Variants in OSBP observed in about 807,000 individuals in gnomAD.
OSBP encodes oxysterol-binding protein 1.
A neutral mutation model predicts 96.6 loss-of-function variants in OSBP; 32 were observed. The observed-to-expected ratio is 0.33, with a 90% CI of 0.25 to 0.45. OSBP has a LOEUF of 0.45. Among genes scored for constraint, OSBP ranks in the 20% least tolerant of loss-of-function variants. The pLI is 1.00. For synonymous variants in OSBP, 369 were observed against 389.6 expected, an observed-to-expected ratio of 0.95 and a Z score of 0.62; for missense variants, 653 against 1,029.7, an observed-to-expected ratio of 0.63 and a Z score of 5.01.
chr11:59,607,402 G>T (rs926835358), intron 3 of OSBP, among the ~76,000 whole-genome samples: 2 of 152,064 alleles, frequency 1.3e-5, no homozygotes, highest in Admixed American at 6.6e-5. Flanking sequence ...TTTTTACTTT[G>T]TGTGAATCAC....
intron 8 of OSBP, 47 bp downstream of exon 8, chr11:59,593,961 ATC>A: frequency 2.5e-6 from 4 of 1,598,670 alleles, no homozygotes; most frequent in South Asian, 1.1e-5. Flanking sequence ...CCAAAAAATC[ATC>A]TCTTTCTTCA....
intron 12 of OSBP, 97 bp from the exon 13 acceptor site, chr11:59,577,122 A>T: frequency 1.1e-6 from 1 of 926,504 alleles, no homozygotes; most frequent in Admixed American, 2.6e-5. Context: ...CACATCACCA[A>T]GGCTGTTCTA....
rs1590681899 is a variant in OSBP, at chr11:59,615,228, C to A, written c.362+75G>T. On this transcript the variant is annotated intron_variant, in intron 1 of 13. Transcript: ENST00000263847. ...CAACCCTGGCTGCGGTGCCGGCTGG[C>A]GGTAATGCCGGAGCTGGGACTGTTG... The A allele has an allele frequency of 2.3e-6, 3 of 1,280,742 alleles. No homozygotes were observed. The South Asian group carries it at 3.7e-5, about 16-fold the overall frequency. 79.3% of individuals were successfully genotyped at this position (1,280,742 alleles called of 1,614,324 possible).
chr11:59,574,405 T>TA lies in OSBP; in HGVS notation c.*2171dup. On this transcript the variant is annotated 3_prime_UTR_variant, in exon 14 of 14. Transcript: ENST00000263847. The stretch of plus-strand genomic sequence containing the variant: ...TGAATCAGACAAACAATATGACTTT[T>TA]AAAAAATTATTTAATTTAGTAGTTT... The TA allele has an allele frequency of 6.6e-6, 1 of 151,888 alleles. No individual in the cohort carries two copies. The highest frequency in any genetic ancestry group is 6.6e-5 in the Admixed American group (1 of 15,188). The allele number at this position is 151,888 out of a possible 1,614,324, so 9.4% of individuals were successfully genotyped here.
chr11:59,612,178 T>G (rs1031861199), intron 1 of OSBP, among the ~76,000 whole-genome samples: 1 of 152,224 alleles, frequency 6.6e-6, no homozygotes, highest in African/African-American at 2.4e-5. Context: ...TGTTGTTCAA[T>G]TTTTCACATG....
At position 59,576,558 on chromosome 11, in the gene OSBP, CTT is replaced by C. The variant is rs1313563437; in HGVS notation, c.*17_*18del. 2 of 1,610,618 alleles carry C rather than the reference CTT, an allele frequency of 1.2e-6. No individual in the cohort carries two copies. The highest frequency in any genetic ancestry group is 3.4e-5 in the Admixed American group (2 of 59,210). ...GTCCTCTTCTCCATTATATGCTCCT[CTT>C]TTTTGTTACTGCCGTTTCAGAAAAT... On this transcript the variant is annotated 3_prime_UTR_variant, in exon 14 of 14. Transcript: ENST00000263847.
chr11:59,615,740 G>A lies in OSBP; in HGVS notation c.-76C>T. 2.4e-6 allele frequency: 3 copies of A among 1,231,482 alleles called. No homozygotes were observed. Among genetic ancestry groups the A allele is most frequent in the African/African-American group, 1.6e-5 (1 of 63,540 alleles). The allele number at this position is 1,231,482 out of a possible 1,614,324, so 76.3% of individuals were successfully genotyped here. A position where few individuals can be genotyped will look rare whatever the true frequency, so the allele number is the denominator to read the frequency against. On this transcript the variant is annotated 5_prime_UTR_variant, in exon 1 of 14. Coordinates refer to ENST00000263847, the MANE Select transcript of OSBP (RefSeq NM_002556.3). ...CGTCGCCGCCCGGAGCGCCCCACAC[G>A]GCTACCGCATCAGCCACCGCCGCGC...
chr11:59,581,277 CAG>C (rs1287434365), intron 10 of OSBP, among the ~76,000 whole-genome samples, 172 bp downstream of exon 10: 9 of 152,274 alleles, frequency 5.9e-5, no homozygotes, highest in Admixed American at 2.0e-4. Context: ...ATTTGTGGTA[CAG>C]AAAACTTAGA....
intron 7 of OSBP, among the ~76,000 whole-genome samples, chr11:59,598,621 G>C (rs1860685261): frequency 6.6e-6 from 1 of 152,150 alleles, no homozygotes; most frequent in African/African-American, 2.4e-5. Flanking sequence ...ACAGAGTCTA[G>C]CTCTGTCACC....
In OSBP at chr11:59,593,436, A is replaced by T. The variant is rs548344815; in HGVS notation, c.1678+168T>A. ...TCCTTAAAGAGTTTCTAGCCTCCACACTCATTTGATAGCTGAAAAGTTAAA... is the reference window on the plus strand; with the variant it reads ...TCCTTAAAGAGTTTCTAGCCTCCACTCTCATTTGATAGCTGAAAAGTTAAA... On this transcript the variant is annotated intron_variant, in intron 9 of 13. Coordinates refer to ENST00000263847, the MANE Select transcript of OSBP (RefSeq NM_002556.3). The T allele has an allele frequency of 1.3e-4, 86 of 651,614 alleles. 1 individual carries two copies. In the South Asian group the frequency reaches 1.6e-3, roughly 12 times the overall value. The allele number at this position is 651,614 out of a possible 1,614,324, so 40.4% of individuals were successfully genotyped here. A position where few individuals can be genotyped will look rare whatever the true frequency, so the allele number is the denominator to read the frequency against.
In OSBP at chr11:59,595,714, C is replaced by T. The variant is rs898650217; in HGVS notation, c.1312-1459G>A. 2.0e-5 allele frequency among the ~76,000 whole-genome samples: 3 copies of T among 151,598 alleles called. No individual in the cohort carries two copies. The East Asian group carries it at 5.8e-4, about 29-fold the overall frequency. Reference sequence around the variant, plus strand: ...TAGCACTTTGAGAGGCTGAGGCAAGCGGATTGCTTGTGCTCAGCAGTTTGA... The same window carrying T: ...TAGCACTTTGAGAGGCTGAGGCAAGTGGATTGCTTGTGCTCAGCAGTTTGA... On this transcript the variant is annotated intron_variant, in intron 7 of 13. Coordinates refer to ENST00000263847, the MANE Select transcript of OSBP (RefSeq NM_002556.3).
chr11:59,600,519 C>A lies in OSBP; in HGVS notation c.1288G>T (p.Glu430Ter). 1 of 1,614,004 alleles carries A rather than the reference C, an allele frequency of 6.2e-7. No individual in the cohort carries two copies. Among genetic ancestry groups the A allele is most frequent in the Non-Finnish European group, 8.5e-7 (1 of 1,179,978 alleles). ...ACCGGCATGGGGATCTTAGAGAGTT[C>A]TTTTCCAATGCAGTTCTTCATGATG... ...WSIMKNCIGK[E>*]LSKIPMPVNF... Residue 430 changes from glutamate (E) to a stop codon, truncating the protein, a stop_gained, in exon 7 of 14, where the codon GAA becomes TAA. Transcript: ENST00000263847. LOFTEE classifies it high-confidence loss of function.
chr11:59,596,631 A>G (rs1354640839), intron 7 of OSBP, among the ~76,000 whole-genome samples: 1 of 152,094 alleles, frequency 6.6e-6, no homozygotes, highest in African/African-American at 2.4e-5. Flanking sequence ...ACAGGAAGCC[A>G]TAACCATTGG....
rs764652006 is a variant in OSBP at position 59,610,393 on chromosome 11, G to C, written c.559C>G (p.Leu187Val). The C allele has an allele frequency of 6.2e-7, 1 of 1,613,028 alleles. No individual in the cohort carries two copies. The highest frequency in any genetic ancestry group is 8.5e-7 in the Non-Finnish European group (1 of 1,179,978). The change falls in exon 2 of 14, where the codon CTG becomes GTG. Residue 187 changes from leucine to valine, a missense_variant. Physicochemically the swap from Leu to Val is conservative, Grantham distance 32 (BLOSUM62 1). Transcript: ENST00000263847. Reference protein sequence around the residue: ...ELAKAKAVKMLAESDESGDEE... With the variant: ...ELAKAKAVKMVAESDESGDEE... ...CTTTGTTCCTGACCTGACTCTGCCAGCATCTTCACAGCTTTGGCCTTGGCC... is the reference window on the plus strand; with the variant it reads ...CTTTGTTCCTGACCTGACTCTGCCACCATCTTCACAGCTTTGGCCTTGGCC...
chr11:59,610,465 C>G lies in OSBP; in HGVS notation c.487G>C (p.Ala163Pro), dbSNP rs537706135. The stretch of plus-strand genomic sequence containing the variant: ...CGCTGCCGCTCAACTTCTGAACTAG[C>G]TTTCAGATGGTAGGTCTGAGCACCC... ...NGGAQTYHLK[A>P]SSEVERQRWV... The change falls in exon 2 of 14, where the codon GCT becomes CCT. Residue 163 changes from alanine (A) to proline (P), a missense_variant. Ala to Pro is a conservative substitution (Grantham distance 27). Around this residue, in one of 6 missense-constraint regions of OSBP, gnomAD observed 308 missense variants for 573.1 expected, o/e 0.54. Coordinates refer to ENST00000263847, the MANE Select transcript of OSBP (RefSeq NM_002556.3). 6.2e-7 allele frequency: 1 copy of G among 1,614,072 alleles called. No homozygotes were observed. The highest frequency in any genetic ancestry group is 8.5e-7 in the Non-Finnish European group (1 of 1,180,022).
intron 3 of OSBP, among the ~76,000 whole-genome samples, chr11:59,607,733 G>A (rs550261988): frequency 5.3e-5 from 8 of 152,284 alleles, no homozygotes; most frequent in Admixed American, 2.0e-4. Flanking sequence ...CACTTCATAC[G>A]TATCAATACA....
At chr11:59,607,526 C>T (rs190823532) in intron 3 of OSBP, among the ~76,000 whole-genome samples, 2 of 152,074 alleles carry the variant, frequency 1.3e-5, no homozygotes, top group East Asian at 1.9e-4. Context: ...TTCCCATGGT[C>T]ATGGGAAAGT....
chr11:59,599,980 AAC>A (rs1274895605), intron 7 of OSBP, among the ~76,000 whole-genome samples: 1 of 152,212 alleles, frequency 6.6e-6, no homozygotes, highest in Non-Finnish European at 1.5e-5. Context: ...TCACTCTGAC[AAC>A]AGTGTAGACA....
chr11:59,605,009 C>T (rs549827386), intron 3 of OSBP, among the ~76,000 whole-genome samples: 226 of 151,442 alleles, frequency 1.5e-3, no homozygotes, highest in African/African-American at 5.1e-3. Context: ...AAAAATTAGT[C>T]GGGTGTGGTA....
Sources: gnomAD v4.1 joint callset for allele counts (sites outside exome capture counted in the v4.1 genomes callset) on GRCh38, gnomAD v4.1.1 for gene constraint, gnomAD v4.1.1 regional missense constraint, MANE v1.5 for transcripts, NCBI Gene and HGNC (gene_info 2026-07-23, HGNC 2026-07-21) for gene names.